SAMHD1: variants seen among roughly 807,000 people sequenced by gnomAD.
The protein encoded by SAMHD1 is deoxynucleoside triphosphate triphosphohydrolase SAMHD1.
SAMHD1 carries 54 observed loss-of-function variants against 79.6 expected under a neutral mutation model. The ratio of observed to expected loss-of-function variants is 0.68; its 90% CI spans 0.55 to 0.85. The LOEUF (loss-of-function observed/expected upper bound fraction) is 0.85. Ranked by LOEUF, SAMHD1 falls within the 40% of genes least tolerant of loss-of-function variation. The pLI is 0.00. For missense variants in SAMHD1, 663 were observed against 782.7 expected (o/e 0.85, Z 1.82); for synonymous variants, 260 against 264.1 (o/e 0.98, Z 0.15).
intron 7 of SAMHD1, among the ~76,000 whole-genome samples, chr20:36,918,425 C>T (rs2063487216): frequency 6.6e-6 from 1 of 150,840 alleles, no homozygotes; most frequent in Non-Finnish European, 1.5e-5. Flanking sequence ...TCGAAACCAG[C>T]TTAGGCAACA....
intron 11 of SAMHD1, 65 bp from the exon 12 acceptor site, chr20:36,905,568 G>T: frequency 7.5e-7 from 1 of 1,336,260 alleles, no homozygotes; most frequent in Non-Finnish European, 1.1e-6. Flanking sequence ...ATTATATAGT[G>T]CTATTCTATT....
intron 3 of SAMHD1, among the ~76,000 whole-genome samples, chr20:36,938,607 C>T (rs1319779865): frequency 6.6e-6 from 1 of 151,754 alleles, no homozygotes; most frequent in Non-Finnish European, 1.5e-5. Flanking sequence ...GAGGCTGAGG[C>T]GGGTGGATTA....
intron 1 of SAMHD1, among the ~76,000 whole-genome samples, chr20:36,951,033 T>A (rs774921773): frequency 7.2e-5 from 11 of 151,944 alleles, no homozygotes; most frequent in Non-Finnish European, 1.3e-4. Flanking sequence ...GGGACCCGAG[T>A]CTCGCTTGTC....
At chr20:36,937,533 G>C (rs913429218) in intron 3 of SAMHD1, among the ~76,000 whole-genome samples, 1 of 152,126 alleles carries the variant, frequency 6.6e-6, no homozygotes, top group Non-Finnish European at 1.5e-5. Context: ...AAATCAAATT[G>C]TGTGTGATTG....
chr20:36,904,319 CTT>C, intron 12 of SAMHD1, 70 bp from the exon 13 acceptor site: 2 of 1,084,788 alleles, frequency 1.8e-6, no homozygotes, highest in East Asian at 2.4e-5. Flanking sequence ...AACAGGTTCT[CTT>C]TATGAAAATG....
chr20:36,908,107 C>T (rs1056797788), intron 11 of SAMHD1, among the ~76,000 whole-genome samples: 1 of 151,918 alleles, frequency 6.6e-6, no homozygotes, highest in African/African-American at 2.4e-5. Context: ...AACTCCTGAA[C>T]TCAAGTGATC....
chr20:36,912,751 A>ATTTTTTTT (rs66970329), intron 9 of SAMHD1, among the ~76,000 whole-genome samples, 199 bp from the exon 10 acceptor site: 1 of 107,054 alleles, frequency 9.3e-6, no homozygotes, highest in Non-Finnish European at 1.9e-5. Context: ...TGCAACTTTC[A>ATTTTTTTT]TTTTTTTTTT....
chr20:36,919,057 G>A (rs1217150292), intron 7 of SAMHD1, among the ~76,000 whole-genome samples: 2 of 152,026 alleles, frequency 1.3e-5, no homozygotes, highest in Non-Finnish European at 2.9e-5. Context: ...GATCGCTTGA[G>A]CCTGGGAGGT....
intron 6 of SAMHD1, among the ~76,000 whole-genome samples, chr20:36,922,120 CACTA>C (rs1389742122): frequency 1.3e-5 from 2 of 152,122 alleles, no homozygotes; most frequent in Non-Finnish European, 2.9e-5. Flanking sequence ...ATGACAAAGT[CACTA>C]ACGATAAAGA....
intron 4 of SAMHD1, chr20:36,934,657 CTTTTTTTT>C (rs547804080): frequency 8.9e-6 from 1 of 111,886 alleles, no homozygotes; most frequent in Admixed American, 1.0e-4. Flanking sequence ...CTTTTTCTTT[CTTTTTTTT>C]TTTTTTTTTG....
At chr20:36,941,517 G>C (rs1021396639) in intron 2 of SAMHD1, among the ~76,000 whole-genome samples, 4 of 152,038 alleles carry the variant, frequency 2.6e-5, no homozygotes, top group African/African-American at 7.2e-5. Flanking sequence ...ACATATGAAG[G>C]CTTTAACTTT....
chr20:36,942,358 C>T (rs1013313231), intron 2 of SAMHD1, among the ~76,000 whole-genome samples: 1 of 152,026 alleles, frequency 6.6e-6, no homozygotes, highest in African/African-American at 2.4e-5. Flanking sequence ...GCGGAGATTG[C>T]GGTGAGCCGA....
intron 5 of SAMHD1, among the ~76,000 whole-genome samples, chr20:36,928,136 C>T (rs1394886244): frequency 6.6e-6 from 1 of 152,128 alleles, no homozygotes; most frequent in African/African-American, 2.4e-5. Flanking sequence ...CCTGTAATCC[C>T]AGCACTTTGG....
Position 36,927,183 on chromosome 20 carries a change from G to A in SAMHD1, c.695C>T (p.Thr232Met), listed in dbSNP as rs766842258. 1.9e-5 allele frequency: 30 copies of A among 1,610,776 alleles called. No individual in the cohort carries two copies. The highest frequency in any genetic ancestry group is 4.5e-5 in the East Asian group (2 of 44,870). The change falls in exon 6 of 16, where the codon ACG becomes ATG. Residue 232 changes from threonine (T) to methionine (M), a missense_variant and splice_region_variant. Transcript: ENST00000646673. ...IPLARPEVKW[T>M]HEQGSVMMFE... ...ACTATTGACTGTATGAATACATACC[G>A]TCCATTTCACCTCCGGGCGAGCAAG...
At chr20:36,946,008 C>T (rs1259675243) in intron 2 of SAMHD1, among the ~76,000 whole-genome samples, 2 of 151,962 alleles carry the variant, frequency 1.3e-5, no homozygotes, top group Non-Finnish European at 2.9e-5. Context: ...GGTGGCCAGT[C>T]GCGGTGGCTC....
chr20:36,912,777 T>TA lies in SAMHD1; in HGVS notation c.1063-226dup, dbSNP rs1324632212. Reference sequence around the variant, plus strand: ...TTTTTTTTTTTTTTTTTTTTTTTTTTAAAAGATGAGGTCTTGCTATGTTGC... The same window carrying TA: ...TTTTTTTTTTTTTTTTTTTTTTTTTTAAAAAGATGAGGTCTTGCTATGTTGC... On this transcript the variant is annotated intron_variant, in intron 9 of 15. Transcript: ENST00000646673. Among the ~76,000 whole-genome samples the TA allele has an allele frequency of 4.9e-5, 7 of 142,266 alleles. 1 individual carries two copies. Among genetic ancestry groups the TA allele is most frequent in the African/African-American group, 7.7e-5 (3 of 39,128 alleles). 93.3% of individuals were successfully genotyped at this position (142,266 alleles called of 152,430 possible). A position where few individuals can be genotyped will look rare whatever the true frequency, so the allele number is the denominator to read the frequency against.
At chr20:36,921,913 T>G (rs2063508420) in intron 6 of SAMHD1, among the ~76,000 whole-genome samples, 1 of 152,186 alleles carries the variant, frequency 6.6e-6, no homozygotes, top group Admixed American at 6.5e-5. Context: ...GGTCTCCAAC[T>G]TCTGACCTCA....
chr20:36,935,016 A>AT lies in SAMHD1; in HGVS notation c.509+12dup, dbSNP rs766968303. 6.2e-7 allele frequency: 1 copy of AT among 1,613,548 alleles called. No homozygotes were observed. Among genetic ancestry groups the AT allele is most frequent in the Non-Finnish European group, 8.5e-7 (1 of 1,179,568 alleles). On this transcript the variant is annotated intron_variant, in intron 4 of 15. Transcript: ENST00000646673. Reference sequence around the variant, plus strand: ...TTAAAAACTGCAAGTTCCCCACCCCATTCCCTTCTTACCCTAGACTATGCT... The same window carrying AT: ...TTAAAAACTGCAAGTTCCCCACCCCATTTCCCTTCTTACCCTAGACTATGCT...
At chr20:36,912,751 A>ATATTT (rs74174002) in intron 9 of SAMHD1, among the ~76,000 whole-genome samples, 199 bp from the exon 10 acceptor site, 2 of 107,058 alleles carry the variant, frequency 1.9e-5, no homozygotes, top group Non-Finnish European at 3.7e-5. Flanking sequence ...TGCAACTTTC[A>ATATTT]TTTTTTTTTT....
Sources: allele counts gnomAD v4.1 joint callset (sites outside exome capture counted in the v4.1 genomes callset), GRCh38; gene constraint gnomAD v4.1.1; transcripts MANE v1.5; gene names NCBI Gene and HGNC (gene_info 2026-07-23, HGNC 2026-07-21).